The following PM20D2 variants were observed in gnomAD, a reference collection of about 807,000 sequenced individuals.
PM20D2 encodes the protein peptidase M20 domain containing 2.
In PM20D2, 33 loss-of-function variants were observed where a neutral mutation model predicts 42.9. The ratio of observed to expected loss-of-function variants is 0.77; its 90% CI spans 0.58 to 1.03. The LOEUF (loss-of-function observed/expected upper bound fraction) is 1.03. PM20D2 is among the 50% of genes least tolerant of loss of function. The pLI, the probability that PM20D2 is intolerant of heterozygous loss-of-function variation, is 0.00. For missense variants in PM20D2, 548 were observed against 557.0 expected (o/e 0.98, Z 0.16); for synonymous variants, 250 against 228.2 (o/e 1.10, Z -0.86).
At chr6:89,095,433 C>T in the PM20D2 span, among the ~76,000 whole-genome samples, 1 of 152,154 alleles carries the variant, frequency 6.6e-6, no homozygotes, top group East Asian at 1.9e-4. Flanking sequence ...GATCTGCCAA[C>T]CTCAGCCTCC....
At chr6:89,117,685 C>T in the PM20D2 span, 4 of 820,964 alleles carry the variant, frequency 4.9e-6, no homozygotes, top group Non-Finnish European at 6.9e-6. Context: ...TCACACCTCC[C>T]CAAGTGGCGC....
At position 89,165,122 on chromosome 6, in the gene PM20D2, AAAG is replaced by A. The variant is rs764203802; in HGVS notation, c.*2862_*2864del. The A allele has an allele frequency of 2.6e-5, 4 of 152,044 alleles. No individual in the cohort carries two copies. In the South Asian group the frequency reaches 6.2e-4, roughly 24 times the overall value. The allele number at this position is 152,044 out of a possible 1,614,324, so 9.4% of individuals were successfully genotyped here. A position where few individuals can be genotyped will look rare whatever the true frequency, so the allele number is the denominator to read the frequency against. ...ATACTTAAGTCAGTCATTTTGAACA[AAAG>A]AAATTGATACAATAAGTTTTTTTTT... On this transcript the variant is annotated 3_prime_UTR_variant, in exon 7 of 7. Transcript: ENST00000275072.
chr6:89,134,836 G>A, the PM20D2 span, among the ~76,000 whole-genome samples: 1 of 151,256 alleles, frequency 6.6e-6, no homozygotes, highest in Non-Finnish European at 1.5e-5. Context: ...ATAGGGCAGG[G>A]GTAATTAGGC....
the PM20D2 span, among the ~76,000 whole-genome samples, chr6:89,116,492 T>C: frequency 6.6e-6 from 1 of 152,178 alleles, no homozygotes; most frequent in East Asian, 1.9e-4. Flanking sequence ...AAAAAATACT[T>C]GGCCGGGCAC....
At chr6:89,112,577 T>C in the PM20D2 span, among the ~76,000 whole-genome samples, 1 of 148,780 alleles carries the variant, frequency 6.7e-6, no homozygotes, top group Non-Finnish European at 1.5e-5. Context: ...CATGCCCGGC[T>C]AACTTTTTTT....
In PM20D2 at chr6:89,146,584, T is replaced by C. The variant is rs1770569842; in HGVS notation, c.440T>C (p.Leu147Pro). 6.8e-7 allele frequency: 1 copy of C among 1,463,802 alleles called. No homozygotes were observed. The highest frequency in any genetic ancestry group is 9.0e-7 in the Non-Finnish European group (1 of 1,114,184). 90.7% of individuals were successfully genotyped at this position (1,463,802 alleles called of 1,614,324 possible). Residue 147 changes from leucine to proline, a missense_variant, in exon 1 of 7, where the codon CTC (leucine) becomes CCC (proline). By Grantham distance (98) the Leu-to-Pro change is moderately conservative (BLOSUM62 -3). Coordinates refer to ENST00000275072, the MANE Select transcript of PM20D2 (RefSeq NM_001010853.3). ...GGCGTGAGGGGGGCCTTAGAGGGCC[T>C]CCCCAGGCCGCCTCCGCCCGTGAAG... ...ALGVRGALEG[L>P]PRPPPPVKVV...
intron 6 of PM20D2, 49 bp downstream of exon 6, chr6:89,161,939 G>T (rs1395450993): frequency 3.3e-6 from 5 of 1,518,668 alleles, no homozygotes; most frequent in Non-Finnish European, 4.6e-6. Flanking sequence ...TCTTCTTCTG[G>T]TAGTAGCTGC....
the PM20D2 span, among the ~76,000 whole-genome samples, chr6:89,137,034 G>A: frequency 6.6e-6 from 1 of 151,188 alleles, no homozygotes; most frequent in Non-Finnish European, 1.5e-5. Flanking sequence ...ATTGATTAAG[G>A]TGATTCTCTA....
At chr6:89,139,705 C>A in the PM20D2 span, among the ~76,000 whole-genome samples, 1 of 152,046 alleles carries the variant, frequency 6.6e-6, no homozygotes, top group African/African-American at 2.4e-5. Context: ...AAGACCCTGT[C>A]TCAAATAAAT....
the PM20D2 span, among the ~76,000 whole-genome samples, chr6:89,112,884 T>G: frequency 2.0e-5 from 3 of 152,188 alleles, no homozygotes; most frequent in Admixed American, 2.0e-4. Context: ...TTACACCATA[T>G]TTTTAGTGTC....
At chr6:89,099,422 ATATG>A in the PM20D2 span, among the ~76,000 whole-genome samples, 1 of 139,588 alleles carries the variant, frequency 7.2e-6, no homozygotes, top group Admixed American at 7.2e-5. Context: ...ATACATATAT[ATATG>A]TGTGTATATA....
At chr6:89,095,370 G>A in the PM20D2 span, among the ~76,000 whole-genome samples, 16 of 152,026 alleles carry the variant, frequency 1.1e-4, no homozygotes, top group Non-Finnish European at 1.5e-4. Flanking sequence ...GCGCCACCAC[G>A]CCCGGCTAAT....
chr6:89,126,645 G>A, the PM20D2 span, among the ~76,000 whole-genome samples: 1 of 146,296 alleles, frequency 6.8e-6, no homozygotes, highest in Non-Finnish European at 1.5e-5. Flanking sequence ...ACTCCAGCCT[G>A]GGTGACAGAA....
rs1426368423 is a variant in PM20D2, at chr6:89,153,076, T to C, written c.648T>C (p.His216=). Residue 216 remains histidine (H), a synonymous_variant, in exon 3 of 7, where the codon CAT becomes CAC. Transcript: ENST00000275072. ...TGAAATACTATGGAAAAGCATCTCA[T>C]TCTGCTTCTTATCCCTGGGAAGGAT... The part of the protein sequence containing the change: ...VTVKYYGKAS[H]SASYPWEGLN... 5.0e-6 allele frequency: 8 copies of C among 1,607,044 alleles called. No homozygotes were observed. Among genetic ancestry groups the C allele is most frequent in the Non-Finnish European group, 6.8e-6 (8 of 1,175,070 alleles).
chr6:89,097,180 GAC>G, the PM20D2 span: 1 of 152,120 alleles, frequency 6.6e-6, no homozygotes, highest in East Asian at 1.9e-4. Context: ...AAAAATATAA[GAC>G]AGATTTTTTT....
chr6:89,133,912 ATG>A, the PM20D2 span, among the ~76,000 whole-genome samples: 1 of 151,462 alleles, frequency 6.6e-6, no homozygotes, highest in Admixed American at 6.5e-5. Context: ...ATTAAATTAC[ATG>A]ATATTTGGGT....
the PM20D2 span, chr6:89,107,403 A>T: frequency 1.6e-6 from 1 of 638,488 alleles, no homozygotes; most frequent in Non-Finnish European, 2.7e-6. Context: ...GAATCATGCA[A>T]GGTTTTGAAA....
At chr6:89,108,288 T>TGTTC in the PM20D2 span, among the ~76,000 whole-genome samples, 2 of 152,258 alleles carry the variant, frequency 1.3e-5, no homozygotes, top group Non-Finnish European at 2.9e-5. Flanking sequence ...TGTTAGCCAG[T>TGTTC]GTTCACCTTA....
chr6:89,127,090 AT>A, the PM20D2 span, among the ~76,000 whole-genome samples: 1 of 152,300 alleles, frequency 6.6e-6, no homozygotes, highest in South Asian at 2.1e-4. Flanking sequence ...TCCTGTATAA[AT>A]TTATTCCTCA....
Sources: gnomAD v4.1 joint callset for allele counts (sites outside exome capture counted in the v4.1 genomes callset) on GRCh38, gnomAD v4.1.1 for gene constraint, MANE v1.5 for transcripts, NCBI Gene and HGNC (gene_info 2026-07-23, HGNC 2026-07-21) for gene names.